The following PAK4 variants were observed in gnomAD, a reference collection of about 807,000 sequenced individuals.
The protein encoded by PAK4 is p21 (RAC1) activated kinase 4.
In PAK4, 49 loss-of-function variants were observed where a neutral mutation model predicts 53.5. The observed-to-expected ratio is 0.92, with a 90% CI of 0.73 to 1.16. The LOEUF is 1.16. PAK4 is among the 50% of genes most tolerant of loss of function. The pLI is 0.00. For synonymous variants in PAK4, 376 were observed against 375.6 expected, an observed-to-expected ratio of 1.00 and a Z score of -0.01; for missense variants, 824 against 850.7, an observed-to-expected ratio of 0.97 and a Z score of 0.39.
intron 1 of PAK4, chr19:39,152,483 T>C (rs2074108778): frequency 6.6e-6 from 1 of 152,152 alleles, no homozygotes; most frequent in Non-Finnish European, 1.5e-5. Context: ...GTAAAGTGCT[T>C]CCTTTAAGTG....
intron 1 of PAK4, among the ~76,000 whole-genome samples, chr19:39,144,330 G>A (rs988356675): frequency 6.6e-6 from 1 of 152,120 alleles, no homozygotes; most frequent in Non-Finnish European, 1.5e-5. Context: ...CCGTGTGAAC[G>A]GCACCCTCCT....
At chr19:39,153,020 C>T (rs1181942278) in intron 1 of PAK4, among the ~76,000 whole-genome samples, 1 of 152,118 alleles carries the variant, frequency 6.6e-6, no homozygotes, top group Admixed American at 6.5e-5. Context: ...AGCCAATCTC[C>T]CTCAGCTACC....
chr19:39,145,837 C>T (rs1001211136), intron 1 of PAK4, among the ~76,000 whole-genome samples: 1 of 150,598 alleles, frequency 6.6e-6, no homozygotes, highest in African/African-American at 2.4e-5. Context: ...CAGGCTCACA[C>T]AGCCTTTCTT....
intron 1 of PAK4, among the ~76,000 whole-genome samples, chr19:39,135,702 G>A (rs1046974563): frequency 1.3e-5 from 2 of 151,918 alleles, no homozygotes; most frequent in Non-Finnish European, 2.9e-5. Context: ...CAAACAACAG[G>A]CAGCCCTCCC....
intron 4 of PAK4, 118 bp downstream of exon 5, chr19:39,174,128 C>T: frequency 1.4e-6 from 1 of 704,166 alleles, no homozygotes; most frequent in Admixed American, 2.4e-5. Flanking sequence ...CCCCTCCTCC[C>T]CTCACTCTTC....
At chr19:39,148,466 CTTTTT>C (rs74176491) in intron 1 of PAK4, among the ~76,000 whole-genome samples, 7 of 56,786 alleles carry the variant, frequency 1.2e-4, no homozygotes, top group East Asian at 6.2e-4. Flanking sequence ...GTTTCTTCTG[CTTTTT>C]TTTTTTTTTT....
chr19:39,160,603 CT>C (rs1164733040), intron 1 of PAK4, among the ~76,000 whole-genome samples: 1 of 152,200 alleles, frequency 6.6e-6, no homozygotes, highest in Non-Finnish European at 1.5e-5. Context: ...GGCCCGGAGG[CT>C]GGAACAGCTG....
At chr19:39,158,214 G>T (rs911134229) in intron 1 of PAK4, among the ~76,000 whole-genome samples, 3 of 150,932 alleles carry the variant, frequency 2.0e-5, no homozygotes, top group Non-Finnish European at 3.0e-5. Flanking sequence ...TGCATGTGTG[G>T]GTGTGCGTGT....
intron 1 of PAK4, among the ~76,000 whole-genome samples, chr19:39,136,863 G>A (rs575816686): frequency 1.2e-3 from 188 of 152,340 alleles, no homozygotes; most frequent in Admixed American, 4.2e-3. Context: ...TCCTGAGGAG[G>A]AAATGCCACT....
chr19:39,137,101 A>G (rs2073829305), intron 1 of PAK4, among the ~76,000 whole-genome samples: 1 of 152,168 alleles, frequency 6.6e-6, no homozygotes, highest in Non-Finnish European at 1.5e-5. Context: ...ACATTCCTGA[A>G]GTTCTGCTCC....
At chr19:39,166,790 G>T (rs1334404484) in intron 1 of PAK4, among the ~76,000 whole-genome samples, 2 of 152,198 alleles carry the variant, frequency 1.3e-5, no homozygotes, top group Non-Finnish European at 2.9e-5. Flanking sequence ...GCCCCCATGA[G>T]GTCAGGAGCA....
chr19:39,176,423 A>T, intron 6 of PAK4, 167 bp from the exon 8 acceptor site: 2 of 824,598 alleles, frequency 2.4e-6, no homozygotes, highest in Non-Finnish European at 3.9e-6. Context: ...GAGGTGGTGG[A>T]GCTCCCCATT....
intron 1 of PAK4, among the ~76,000 whole-genome samples, chr19:39,128,552 C>A (rs528414809): frequency 4.5e-4 from 69 of 152,346 alleles, no homozygotes; most frequent in African/African-American, 1.7e-3. Flanking sequence ...TTGTCACTTA[C>A]CAGCCATGGG....
intron 1 of PAK4, among the ~76,000 whole-genome samples, chr19:39,148,393 T>C (rs1375624645): frequency 6.6e-6 from 1 of 151,488 alleles, no homozygotes; most frequent in African/African-American, 2.4e-5. Flanking sequence ...TTTTTTTCTT[T>C]TATGGATTGT....
chr19:39,159,892 G>T (rs1240325418), intron 1 of PAK4, among the ~76,000 whole-genome samples: 1 of 152,186 alleles, frequency 6.6e-6, no homozygotes, highest in African/African-American at 2.4e-5. Context: ...ACTTCCAAAG[G>T]CGTCCCCCCC....
chr19:39,156,789 T>G (rs549811747), intron 1 of PAK4: 72 of 152,396 alleles, frequency 4.7e-4, no homozygotes, highest in African/African-American at 1.7e-3. Context: ...GCTGGAAGCC[T>G]GTCTGTCCAC....
At chr19:39,144,161 TTAGATTAGA>T (rs751913539) in intron 1 of PAK4, among the ~76,000 whole-genome samples, 61 of 87,198 alleles carry the variant, frequency 7.0e-4, no homozygotes, top group Non-Finnish European at 1.1e-3. Flanking sequence ...GATAGATAGA[TTAGATTAGA>T]TAGATAGATA....
intron 4 of PAK4, 132 bp downstream of exon 5, chr19:39,174,142 C>A: frequency 1.5e-6 from 1 of 660,726 alleles, no homozygotes; most frequent in Non-Finnish European, 2.6e-6. Context: ...ACTCTTCTCC[C>A]TCCCCAGGCC....
chr19:39,130,200 C>T (rs868660011), intron 1 of PAK4, among the ~76,000 whole-genome samples: 4 of 48,422 alleles, frequency 8.3e-5, no homozygotes, highest in Admixed American at 2.5e-4. Context: ...GGGATGGGAG[C>T]GGGGACCCAG....
Sources: gnomAD v4.1 joint callset for allele counts (sites outside exome capture counted in the v4.1 genomes callset) on GRCh38, gnomAD v4.1.1 for gene constraint, MANE v1.5 for transcripts, NCBI Gene and HGNC (gene_info 2026-07-23, HGNC 2026-07-21) for gene names.